The following TSPOAP1 variants were observed in gnomAD, a reference collection of about 807,000 sequenced individuals.
TSPOAP1 encodes peripheral-type benzodiazepine receptor-associated protein 1.
Under a neutral mutation model 197.0 loss-of-function variants are expected in TSPOAP1, and 87 were observed. The observed-to-expected ratio is 0.44, with a 90% CI of 0.37 to 0.53. The LOEUF is 0.53. Ranked by LOEUF, TSPOAP1 falls within the 20% of genes least tolerant of loss-of-function variation. The pLI is 0.00. For missense variants in TSPOAP1, 2,174 were observed against 2,411.3 expected (o/e 0.90, Z 2.06); for synonymous variants, 913 against 998.9 (o/e 0.91, Z 1.62).
Position 58,325,657 on chromosome 17 carries a change from T to G in TSPOAP1, c.627A>C (p.Leu209=). 1 of 1,613,152 alleles carries G rather than the reference T, an allele frequency of 6.2e-7. No individual in the cohort carries two copies. ...TGAGGTCCCGGGCTCGCTGGCGGGC[T>G]AGGGCCTTCCGACACAACTCCAAGC... is the stretch of plus-strand genomic sequence containing the variant. ...GTSLELCRKA[L]ARQRARDLSE... is the part of the protein sequence containing the mutation. Residue 209 remains leucine (L), a synonymous_variant, in exon 4 of 32, where the codon CTA becomes CTC. Coordinates refer to ENST00000343736, the MANE Select transcript of TSPOAP1 (RefSeq NM_004758.4).
rs1323714577 is a variant in TSPOAP1, at chr17:58,326,241, C to G, written c.570+52G>C. The G allele has an allele frequency of 2.5e-6, 4 of 1,606,206 alleles. No individual in the cohort carries two copies. Among genetic ancestry groups the G allele is most frequent in the Non-Finnish European group, 3.4e-6 (4 of 1,176,166 alleles). On this transcript the variant is annotated intron_variant, in intron 3 of 31. Coordinates refer to ENST00000343736, the MANE Select transcript of TSPOAP1 (RefSeq NM_004758.4). This position sits in a 1 kb window ranked among gnomAD's most constrained non-coding sequence, Gnocchi z 4.7. ...AGACAGCCCTCAGGCCCAGCCCTGG[C>G]TCCCCTCTTCCTTGGTCACCCAGCC...
chr17:58,307,826 C>G lies in TSPOAP1; in HGVS notation c.4831+16G>C, dbSNP rs1411308066. 6.2e-7 allele frequency: 1 copy of G among 1,613,722 alleles called. No individual in the cohort carries two copies. The highest frequency in any genetic ancestry group is 2.2e-5 in the East Asian group (1 of 44,890). On this transcript the variant is annotated intron_variant, in intron 23 of 31. Coordinates refer to ENST00000343736, the MANE Select transcript of TSPOAP1 (RefSeq NM_004758.4). ...CTGGCCGAGCAGCTCTAGCTCCAGC[C>G]CCATCAGGTGCTCACCTAGCTCTGC...
intron 16 of TSPOAP1, 35 bp downstream of exon 16, chr17:58,315,988 G>C (rs374755620): frequency 1.1e-5 from 17 of 1,500,210 alleles, no homozygotes; most frequent in African/African-American, 4.1e-5. Flanking sequence ...CAAAGGCAGG[G>C]GAATGGACAG....
At chr17:58,306,697 G>T in intron 25 of TSPOAP1, 103 bp downstream of exon 25, 1 of 1,403,528 alleles carries the variant, frequency 7.1e-7, no homozygotes, top group African/African-American at 1.4e-5. Flanking sequence ...CTCTGCTAGA[G>T]TCTGGGTAAG....
In TSPOAP1 at chr17:58,301,257, T is replaced by A. The variant is rs1435967212; in HGVS notation, c.*1223A>T. ...TTTGTGAAAATAGACTTTATTATAA[T>A]AAAATGTCTTTTTAAACAAATTCCC... On this transcript the variant is annotated 3_prime_UTR_variant, in exon 32 of 32. Transcript: ENST00000343736. 1 of 152,604 alleles carries A rather than the reference T, an allele frequency of 6.6e-6. No individual in the cohort carries two copies. The highest frequency in any genetic ancestry group is 1.5e-5 in the Non-Finnish European group (1 of 68,026). 9.5% of individuals were successfully genotyped at this position (152,604 alleles called of 1,614,324 possible). A position where few individuals can be genotyped will look rare whatever the true frequency, so the allele number is the denominator to read the frequency against.
At chr17:58,321,603 C>T (rs1416920946) in intron 10 of TSPOAP1, among the ~76,000 whole-genome samples, 1 of 152,150 alleles carries the variant, frequency 6.6e-6, no homozygotes, top group Non-Finnish European at 1.5e-5. Context: ...CGGCCAGAAC[C>T]TTGTCAGTTC....
intron 17 of TSPOAP1, 54 bp from the exon 18 acceptor site, chr17:58,311,776 T>A: frequency 1.3e-6 from 2 of 1,512,696 alleles, no homozygotes; most frequent in East Asian, 2.3e-5. Flanking sequence ...CCATCAGAGA[T>A]ACCTGCCCAA....
In TSPOAP1 at chr17:58,301,848, C is replaced by G. The variant is rs1377409989; in HGVS notation, c.*632G>C. 6.3e-6 allele frequency: 1 copy of G among 159,738 alleles called. No individual in the cohort carries two copies. Among genetic ancestry groups the G allele is most frequent in the African/African-American group, 2.4e-5 (1 of 41,492 alleles). 9.9% of individuals were successfully genotyped at this position (159,738 alleles called of 1,614,324 possible). The stretch of plus-strand genomic sequence containing the variant: ...TCCTTCAGGGGAGGGAAGACAGGAT[C>G]AGGACAGCCAGAGCCATCAGGGGGC... On this transcript the variant is annotated 3_prime_UTR_variant, in exon 32 of 32. Coordinates refer to ENST00000343736, the MANE Select transcript of TSPOAP1 (RefSeq NM_004758.4).
At chr17:58,313,675 C>G (rs1282653220) in intron 16 of TSPOAP1, among the ~76,000 whole-genome samples, 1 of 151,866 alleles carries the variant, frequency 6.6e-6, no homozygotes, top group Non-Finnish European at 1.5e-5. Context: ...GGCCAGGGTG[C>G]CCCTCAACTT....
chr17:58,305,251 C>G, intron 29 of TSPOAP1, 80 bp from the exon 30 acceptor site: 2 of 1,480,848 alleles, frequency 1.4e-6, no homozygotes, highest in South Asian at 1.1e-5. Flanking sequence ...CCCTGGGGAA[C>G]AGCTGGGGCC....
At chr17:58,303,085 G>A (rs1970766530) in intron 31 of TSPOAP1, 1 of 152,402 alleles carries the variant, frequency 6.6e-6, no homozygotes, top group African/African-American at 2.4e-5. Flanking sequence ...CCCCACCACA[G>A]GCTCTGGAGG....
chr17:58,322,219 G>T lies in TSPOAP1; in HGVS notation c.1422+89C>A. 7.4e-7 allele frequency: 1 copy of T among 1,352,138 alleles called. No individual in the cohort carries two copies. The highest frequency in any genetic ancestry group is 1.0e-6 in the Non-Finnish European group (1 of 969,016). The allele number at this position is 1,352,138 out of a possible 1,614,324, so 83.8% of individuals were successfully genotyped here. ...CACAGTCTCCCCGACGCCTAGCACAGTGCCGGGCACACAGTAAATGCTTGT... is the reference window on the plus strand; with the variant it reads ...CACAGTCTCCCCGACGCCTAGCACATTGCCGGGCACACAGTAAATGCTTGT... On this transcript the variant is annotated intron_variant, in intron 10 of 31. Transcript: ENST00000343736. This position sits in a 1 kb window ranked among gnomAD's most constrained non-coding sequence, Gnocchi z 5.0.
In TSPOAP1 at chr17:58,326,203, A is replaced by G; in HGVS notation, c.570+90T>C. The G allele has an allele frequency of 6.4e-7, 1 of 1,557,836 alleles. No individual in the cohort carries two copies. On this transcript the variant is annotated intron_variant, in intron 3 of 31. Transcript: ENST00000343736. This position sits in a 1 kb window ranked among gnomAD's most constrained non-coding sequence, Gnocchi z 4.7. Reference sequence around the variant, plus strand: ...TCCTAGGTGCTGAGCTGAGACCGTGACTCCCAAGCTTCAGACAGCCCTCAG... The same window carrying G: ...TCCTAGGTGCTGAGCTGAGACCGTGGCTCCCAAGCTTCAGACAGCCCTCAG...
At position 58,302,184 on chromosome 17, in the gene TSPOAP1, C is replaced by G. The variant is rs1567835953; in HGVS notation, c.*296G>C. 8.4e-7 allele frequency: 1 copy of G among 1,197,178 alleles called. No homozygotes were observed. The highest frequency in any genetic ancestry group is 5.8e-5 in the East Asian group (1 of 17,244). 74.2% of individuals were successfully genotyped at this position (1,197,178 alleles called of 1,614,324 possible). On this transcript the variant is annotated 3_prime_UTR_variant, in exon 32 of 32. Coordinates refer to ENST00000343736, the MANE Select transcript of TSPOAP1 (RefSeq NM_004758.4). ...ACGCAGAAGAACGGGGGCTCTGGGC[C>G]CAGTCTGAGCCTTCCCTGCTCAGCA...
chr17:58,310,511 C>T lies in TSPOAP1; in HGVS notation c.3699+1G>A. Reference sequence around the variant, plus strand: ...GACACAGTGTGTCCCCAAACCCCTACCTCAGCCCTGGGCCTCAGCCCAGAC... The same window carrying T: ...GACACAGTGTGTCCCCAAACCCCTATCTCAGCCCTGGGCCTCAGCCCAGAC... On this transcript the variant is annotated splice_donor_variant, in intron 20 of 31. Transcript: ENST00000343736. LOFTEE classifies it high-confidence loss of function. 1 of 1,612,994 alleles carries T rather than the reference C, an allele frequency of 6.2e-7. No individual in the cohort carries two copies.
At chr17:58,308,412 C>A (rs1212958585) in intron 22 of TSPOAP1, 129 bp downstream of exon 22, 14 of 1,369,132 alleles carry the variant, frequency 1.0e-5, no homozygotes, top group Non-Finnish European at 1.4e-5. Context: ...GGTGAGGGAG[C>A]CCGGAGGCCC....
chr17:58,319,129 A>G lies in TSPOAP1; in HGVS notation c.1660T>C (p.Cys554Arg). ...LGDCPPPPCC[C>R]SIPQPCRGSG... ...CCCCGGCAAGGCTGGGGAATGGAGC[A>G]GCAGCAGGGGGGTGGTGGGCAGTCT... The change falls in exon 13 of 32, where the codon TGC (cysteine) becomes CGC (arginine). Residue 554 changes from cysteine (C) to arginine (R), a missense_variant. Cys to Arg is a radical substitution (Grantham distance 180, BLOSUM62 -3). Coordinates refer to ENST00000343736, the MANE Select transcript of TSPOAP1 (RefSeq NM_004758.4). 6.5e-7 allele frequency: 1 copy of G among 1,547,838 alleles called. No homozygotes were observed. The highest frequency in any genetic ancestry group is 8.7e-7 in the Non-Finnish European group (1 of 1,143,180).
In TSPOAP1 at chr17:58,322,862, C is replaced by G; in HGVS notation, c.1195-86G>C. 6.2e-7 allele frequency: 1 copy of G among 1,601,414 alleles called. No homozygotes were observed. Among genetic ancestry groups the G allele is most frequent in the Admixed American group, 1.7e-5 (1 of 59,506 alleles). ...CAGGGGGAACAGTACCCTACCCCTG[C>G]TCAGGGGTGGAGGAGAAAGCCCCTT... On this transcript the variant is annotated intron_variant, in intron 8 of 31. Coordinates refer to ENST00000343736, the MANE Select transcript of TSPOAP1 (RefSeq NM_004758.4). The surrounding 1 kb of genome is among the most constrained non-coding windows in gnomAD (Gnocchi z 5.0).
At position 58,323,461 on chromosome 17, in the gene TSPOAP1, G is replaced by A. The variant is rs756219122; in HGVS notation, c.1020+7C>T. On this transcript the variant is annotated splice_region_variant and intron_variant, in intron 6 of 31. Coordinates refer to ENST00000343736, the MANE Select transcript of TSPOAP1 (RefSeq NM_004758.4). ...AGGCTGCCTCCAGCCCTTGACCTAG[G>A]ACTTACCAGCTGCTGCACCCTCTGC... The A allele has an allele frequency of 8.1e-6, 13 of 1,614,100 alleles. No homozygotes were observed. The highest frequency in any genetic ancestry group is 9.3e-6 in the Non-Finnish European group (11 of 1,180,024).
Sources: allele counts gnomAD v4.1 joint callset (sites outside exome capture counted in the v4.1 genomes callset), GRCh38; gene constraint gnomAD v4.1.1; non-coding constraint Gnocchi (gnomAD v3.1); transcripts MANE v1.5; gene names NCBI Gene and HGNC (gene_info 2026-07-23, HGNC 2026-07-21).